Variants in WDR72 observed in about 807,000 individuals in gnomAD.
The protein encoded by WDR72 is WD repeat domain 72.
In WDR72, 120 loss-of-function variants were observed where a neutral mutation model predicts 124.2. The ratio of observed to expected loss-of-function variants is 0.97; its 90% CI spans 0.83 to 1.12. WDR72 has a LOEUF of 1.12. Ranked by LOEUF, WDR72 falls within the 50% of genes most tolerant of loss-of-function variation. WDR72 has a pLI of 0.00. For missense variants in WDR72, 1,387 were observed against 1,278.8 expected (o/e 1.08, Z -1.29); for synonymous variants, 452 against 441.7 (o/e 1.02, Z -0.29).
At chr15:53,531,124 G>A (rs1243296581) in intron 18 of WDR72, among the ~76,000 whole-genome samples, 1 of 152,064 alleles carries the variant, frequency 6.6e-6, no homozygotes, top group Non-Finnish European at 1.5e-5. Flanking sequence ...AGGATGCAAG[G>A]AAGAACATGT....
intron 18 of WDR72, among the ~76,000 whole-genome samples, chr15:53,532,187 G>A (rs745528125): frequency 4.6e-5 from 7 of 152,078 alleles, no homozygotes; most frequent in East Asian, 3.9e-4. Flanking sequence ...CTCATACACC[G>A]CTGGTGGGAA....
chr15:53,601,598 C>G (rs543997372), intron 17 of WDR72, among the ~76,000 whole-genome samples: 1 of 146,908 alleles, frequency 6.8e-6, no homozygotes, highest in Admixed American at 6.7e-5. Flanking sequence ...ATCGGTATGT[C>G]GTCTTCAAGA....
chr15:53,524,817 A>T (rs1319903622), intron 18 of WDR72, among the ~76,000 whole-genome samples: 2 of 152,094 alleles, frequency 1.3e-5, no homozygotes, highest in Non-Finnish European at 1.5e-5. Flanking sequence ...TTTCATTTTC[A>T]TCCATATGTT....
In WDR72 at chr15:53,705,797, A is replaced by G. The variant is rs987287849; in HGVS notation, c.1102+130T>C. ...TGTTTATACCTGCTTTCATGTTGTC[A>G]TTTAATACGTAGTAGTACACAATAA... is the stretch of plus-strand genomic sequence containing the variant. On this transcript the variant is annotated intron_variant, in intron 10 of 19. Transcript: ENST00000360509. 1.5e-5 allele frequency: 16 copies of G among 1,069,122 alleles called. No individual in the cohort carries two copies. In the Admixed American group the frequency reaches 3.0e-4, roughly 20 times the overall value. The allele number at this position is 1,069,122 out of a possible 1,614,324, so 66.2% of individuals were successfully genotyped here. A position where few individuals can be genotyped will look rare whatever the true frequency, so the allele number is the denominator to read the frequency against.
chr15:53,706,187 TC>T, intron 9 of WDR72, 113 bp from the exon 10 acceptor site: 1 of 1,181,732 alleles, frequency 8.5e-7, no homozygotes, highest in Non-Finnish European at 1.2e-6. Context: ...TCAATTTATT[TC>T]CCACTCTTTT....
chr15:53,674,698 G>A (rs1346364774), intron 13 of WDR72, among the ~76,000 whole-genome samples: 1 of 152,100 alleles, frequency 6.6e-6, no homozygotes, highest in Non-Finnish European at 1.5e-5. Context: ...ACTATATAGA[G>A]GCCCTAATAT....
chr15:53,548,818 G>A (rs1386893594), intron 18 of WDR72, among the ~76,000 whole-genome samples: 1 of 152,102 alleles, frequency 6.6e-6, no homozygotes, highest in African/African-American at 2.4e-5. Flanking sequence ...GCAGTTACAG[G>A]AGACATGTTT....
intron 13 of WDR72, among the ~76,000 whole-genome samples, chr15:53,683,376 A>C (rs890041964): frequency 3.9e-5 from 6 of 152,168 alleles, no homozygotes; most frequent in Non-Finnish European, 8.8e-5. Context: ...ATAAATACTC[A>C]AGGTGATGGA....
intron 1 of WDR72, among the ~76,000 whole-genome samples, chr15:53,737,210 A>C (rs1233326231): frequency 2.6e-5 from 4 of 152,196 alleles, no homozygotes; most frequent in Non-Finnish European, 4.4e-5. Flanking sequence ...ATGCTACTGG[A>C]CTAAATTGCT....
chr15:53,611,711 A>T (rs1247747733), intron 16 of WDR72, among the ~76,000 whole-genome samples: 1 of 151,464 alleles, frequency 6.6e-6, no homozygotes, highest in African/African-American at 2.4e-5. Context: ...CTGTTTGCCT[A>T]TGAGTCATCT....
intron 14 of WDR72, 93 bp from the exon 15 acceptor site, chr15:53,616,336 C>A: frequency 9.6e-7 from 1 of 1,042,396 alleles, no homozygotes; most frequent in Non-Finnish European, 1.4e-6. Context: ...AAAAGTATTA[C>A]ATTGCAGAGC....
chr15:53,716,615 C>T lies in WDR72; in HGVS notation c.331G>A (p.Ala111Thr). The change falls in exon 4 of 20, where the codon GCA (alanine) becomes ACA (threonine). Residue 111 changes from alanine (A) to threonine (T), a missense_variant. Ala to Thr is a moderately conservative substitution (Grantham distance 58, BLOSUM62 0). Transcript: ENST00000360509. ...GAAGTGAGTGTACTTACACAGATTG[C>T]AGTGTGCCTGTAAGGAAGTGTAGCC... ...EKATLPYRHT[A>T]ICYYHCSFRM... 3 of 1,605,294 alleles carry T rather than the reference C, an allele frequency of 1.9e-6. No individual in the cohort carries two copies. In the East Asian group the frequency reaches 6.7e-5, roughly 36 times the overall value.
chr15:53,594,544 A>T lies in WDR72; in HGVS notation c.3148+2535T>A, dbSNP rs188635804. ...TTAGGACATTAGAAATAAAGATAACAGTTTAATGGTTATGTATTCTAAAAA... is the reference window on the plus strand; with the variant it reads ...TTAGGACATTAGAAATAAAGATAACTGTTTAATGGTTATGTATTCTAAAAA... On this transcript the variant is annotated intron_variant, in intron 18 of 19. Coordinates refer to ENST00000360509, the MANE Select transcript of WDR72 (RefSeq NM_182758.4). 1.9e-3 allele frequency among the ~76,000 whole-genome samples: 291 copies of T among 152,006 alleles called. 7 individuals carry two copies. The highest frequency in any genetic ancestry group is 0.016 in the Admixed American group (250 of 15,226).
At chr15:53,540,546 C>A in intron 18 of WDR72, among the ~76,000 whole-genome samples, 3 of 98,714 alleles carry the variant, frequency 3.0e-5, no homozygotes, top group African/African-American at 7.2e-5. Context: ...GAAGACATAA[C>A]AATACAGCAA....
intron 1 of WDR72, among the ~76,000 whole-genome samples, chr15:53,738,272 A>G (rs2140628763): frequency 6.6e-6 from 1 of 152,298 alleles, no homozygotes; most frequent in South Asian, 2.1e-4. Context: ...TTAAAATCTT[A>G]TATAAAAGAA....
At chr15:53,739,319 C>T (rs538678604) in intron 1 of WDR72, among the ~76,000 whole-genome samples, 1 of 152,300 alleles carries the variant, frequency 6.6e-6, no homozygotes, top group South Asian at 2.1e-4. Flanking sequence ...TCCTGGGACC[C>T]TTAGTGTAAG....
chr15:53,689,407 AC>A (rs1428868442), intron 13 of WDR72, among the ~76,000 whole-genome samples: 1 of 149,836 alleles, frequency 6.7e-6, no homozygotes, highest in Non-Finnish European at 1.5e-5. Context: ...TGGGCAAAGG[AC>A]ATGAACAGAC....
intron 13 of WDR72, among the ~76,000 whole-genome samples, chr15:53,697,170 T>C (rs1472744092): frequency 6.6e-6 from 1 of 152,238 alleles, no homozygotes; most frequent in Non-Finnish European, 1.5e-5. Context: ...GAAAATAGTA[T>C]AGATAACCAA....
intron 13 of WDR72, 97 bp downstream of exon 13, chr15:53,699,653 G>T: frequency 7.6e-7 from 1 of 1,320,242 alleles, no homozygotes. Context: ...TAAAGCAAGT[G>T]AGGTCATCAC....
Sources: allele counts gnomAD v4.1 joint callset (sites outside exome capture counted in the v4.1 genomes callset), GRCh38; gene constraint gnomAD v4.1.1; transcripts MANE v1.5; gene names NCBI Gene and HGNC (gene_info 2026-07-23, HGNC 2026-07-21).